Variants in FRMD5 observed in about 807,000 individuals in gnomAD.
FRMD5 encodes FERM domain containing 5.
FRMD5 carries 20 observed loss-of-function variants against 69.0 expected under a neutral mutation model. The observed-to-expected ratio is 0.29, with a 90% CI of 0.20 to 0.42. The LOEUF (loss-of-function observed/expected upper bound fraction) is 0.42, where lower values mean the gene tolerates loss of function less well. Ranked by LOEUF, FRMD5 falls within the 10% of genes least tolerant of loss-of-function variation. The pLI, the probability that FRMD5 is intolerant of heterozygous loss-of-function variation, is 1.00. For synonymous variants in FRMD5, 271 were observed against 260.1 expected (o/e 1.04, Z -0.40); for missense variants, 595 against 708.6 (o/e 0.84, Z 1.82).
intron 1 of FRMD5, among the ~76,000 whole-genome samples, chr15:44,174,899 T>C (rs1414735961): frequency 6.6e-6 from 1 of 151,982 alleles, no homozygotes; most frequent in African/African-American, 2.4e-5. Flanking sequence ...CACCGGGGCC[T>C]GTTGGGGGGT....
upstream of FRMD5, among the ~76,000 whole-genome samples, chr15:44,198,087 ATCGCTTGAGC>A (rs1466482227): frequency 3.3e-5 from 5 of 152,164 alleles, no homozygotes; most frequent in Admixed American, 2.0e-4. Context: ...AGGCAGGCAG[ATCGCTTGAGC>A]TCAGGATTTC....
At chr15:43,976,610 G>T (rs1023831132) in intron 1 of FRMD5, among the ~76,000 whole-genome samples, 21 of 152,184 alleles carry the variant, frequency 1.4e-4, no homozygotes, top group Non-Finnish European at 2.6e-4. Context: ...AGGCATCCCA[G>T]TCAGGAATCT....
Position 43,989,828 on chromosome 15 carries a change from T to C in FRMD5, c.103-65519A>G, listed in dbSNP as rs973547267. The C allele has an allele frequency of 6.8e-6, 7 of 1,033,430 alleles. No homozygotes were observed. The Admixed American group carries it at 1.2e-4, about 18-fold the overall frequency. 64.0% of individuals were successfully genotyped at this position (1,033,430 alleles called of 1,614,324 possible). A position where few individuals can be genotyped will look rare whatever the true frequency, so the allele number is the denominator to read the frequency against. On this transcript the variant is annotated intron_variant, in intron 1 of 13. Transcript: ENST00000417257. Reference sequence around the variant, plus strand: ...AAGATCTCCAACATGATCTGGGTCATCTTCTTGTGGTTGGCCTTGGGGCTC... The same window carrying C: ...AAGATCTCCAACATGATCTGGGTCACCTTCTTGTGGTTGGCCTTGGGGCTC...
At chr15:43,890,825 G>A (rs2088776381) in intron 8 of FRMD5, among the ~76,000 whole-genome samples, 1 of 152,164 alleles carries the variant, frequency 6.6e-6, no homozygotes, top group South Asian at 2.1e-4. Context: ...TCTGGCTGAC[G>A]ATCGTAATGC....
At chr15:44,111,882 G>A (rs565907641) in intron 1 of FRMD5, among the ~76,000 whole-genome samples, 1 of 149,440 alleles carries the variant, frequency 6.7e-6, no homozygotes, top group African/African-American at 2.5e-5. Flanking sequence ...ACAGAGTCTC[G>A]TGCTGTCGCC....
intron 1 of FRMD5, among the ~76,000 whole-genome samples, chr15:44,135,140 A>G (rs529803936): frequency 6.6e-6 from 1 of 152,342 alleles, no homozygotes; most frequent in East Asian, 1.9e-4. Context: ...TACAAACTAT[A>G]CCTCAGAGTA....
intron 1 of FRMD5, chr15:44,194,683 G>A: frequency 2.0e-6 from 1 of 499,440 alleles, no homozygotes. Context: ...CCAGGACGGG[G>A]CGCCCTCACC....
At chr15:43,967,767 A>G (rs779020198) in intron 1 of FRMD5, among the ~76,000 whole-genome samples, 16 of 151,528 alleles carry the variant, frequency 1.1e-4, no homozygotes, top group Non-Finnish European at 2.2e-4. Flanking sequence ...TTTTTTTTAA[A>G]TTTTACTTTA....
chr15:43,976,640 T>A (rs571754038), intron 1 of FRMD5, among the ~76,000 whole-genome samples: 10 of 152,282 alleles, frequency 6.6e-5, no homozygotes, highest in African/African-American at 2.4e-4. Context: ...CCTGATTGCT[T>A]ACAAGCTGAC....
At chr15:43,901,104 G>A (rs1266981257) in intron 7 of FRMD5, among the ~76,000 whole-genome samples, 1 of 152,144 alleles carries the variant, frequency 6.6e-6, no homozygotes, top group Non-Finnish European at 1.5e-5. Flanking sequence ...TCTGGACAGA[G>A]ACATGTACAG....
At chr15:44,042,830 G>A (rs1892261044) in intron 1 of FRMD5, among the ~76,000 whole-genome samples, 1 of 152,178 alleles carries the variant, frequency 6.6e-6, no homozygotes, top group Non-Finnish European at 1.5e-5. Context: ...AATACTGCAT[G>A]GGCAAAAACT....
At chr15:44,099,771 T>A (rs1473973439) in intron 1 of FRMD5, among the ~76,000 whole-genome samples, 1 of 152,198 alleles carries the variant, frequency 6.6e-6, no homozygotes, top group Non-Finnish European at 1.5e-5. Context: ...AGGCTTGCTA[T>A]GGAGGCAGCC....
chr15:43,938,186 G>A (rs1426942296), intron 1 of FRMD5, among the ~76,000 whole-genome samples: 6 of 146,432 alleles, frequency 4.1e-5, no homozygotes, highest in South Asian at 4.3e-4. Context: ...AGCCGAGATC[G>A]CGCCACTGGC....
Position 44,195,146 on chromosome 15 carries a change from C to T in FRMD5, c.-92G>A. Reference sequence around the variant, plus strand: ...CCGGCAGCTCCGCACCGACCCCAGGCACCTGCACCATCACCCCGGCCCCGT... The same window carrying T: ...CCGGCAGCTCCGCACCGACCCCAGGTACCTGCACCATCACCCCGGCCCCGT... On this transcript the variant is annotated 5_prime_UTR_variant, in exon 1 of 14. Coordinates refer to ENST00000417257, the MANE Select transcript of FRMD5 (RefSeq NM_032892.5). The T allele has an allele frequency of 1.0e-6, 1 of 966,744 alleles. No homozygotes were observed. Among genetic ancestry groups the T allele is most frequent in the South Asian group, 1.7e-5 (1 of 58,096 alleles). The allele number at this position is 966,744 out of a possible 1,614,324, so 59.9% of individuals were successfully genotyped here.
chr15:44,057,834 T>G (rs1018664068), intron 1 of FRMD5, among the ~76,000 whole-genome samples: 3 of 152,212 alleles, frequency 2.0e-5, no homozygotes, highest in Admixed American at 6.5e-5. Flanking sequence ...CTAAGCTTCA[T>G]GACTGCTGGG....
intron 1 of FRMD5, among the ~76,000 whole-genome samples, chr15:44,122,044 G>A (rs889831425): frequency 6.8e-6 from 1 of 147,772 alleles, no homozygotes; most frequent in African/African-American, 2.5e-5. Flanking sequence ...TGTAACACAT[G>A]AAATATATTT....
Position 43,905,874 on chromosome 15 carries a change from C to T in FRMD5, c.505G>A (p.Glu169Lys), listed in dbSNP as rs142231537. 6.6e-4 allele frequency: 1,066 copies of T among 1,614,236 alleles called. 2 individuals are homozygous for T. Among genetic ancestry groups the T allele is most frequent in the Non-Finnish European group, 7.5e-4 (886 of 1,180,042 alleles). ...SKFQFFPKHS[E>K]KLERKIAEIH... ...TCAGCAATTTTCCTTTCCAGCTTCT[C>T]TGAATGTTTAGGGAAAAACTGGAAC... Residue 169 changes from glutamate to lysine, a missense_variant, in exon 6 of 14, where the codon GAG becomes AAG. By Grantham distance (56) the Glu-to-Lys change is moderately conservative. Transcript: ENST00000417257.
At chr15:43,965,710 T>G (rs937956747) in intron 1 of FRMD5, among the ~76,000 whole-genome samples, 1 of 151,342 alleles carries the variant, frequency 6.6e-6, no homozygotes, top group African/African-American at 2.4e-5. Flanking sequence ...GCCTCCCAAG[T>G]AGCTGGGATT....
chr15:43,925,981 C>A (rs1488065860), intron 1 of FRMD5, among the ~76,000 whole-genome samples: 1 of 152,204 alleles, frequency 6.6e-6, no homozygotes, highest in Non-Finnish European at 1.5e-5. Context: ...TATCTATTTA[C>A]TATCTGCTTC....
Sources: allele counts gnomAD v4.1 joint callset (sites outside exome capture counted in the v4.1 genomes callset), GRCh38; gene constraint gnomAD v4.1.1; transcripts MANE v1.5; gene names NCBI Gene and HGNC (gene_info 2026-07-23, HGNC 2026-07-21).